The following UTRN variants were observed in gnomAD, a reference collection of about 807,000 sequenced individuals.
UTRN encodes utrophin.
Under a neutral mutation model 463.9 loss-of-function variants are expected in UTRN, and 283 were observed. The ratio of observed to expected loss-of-function variants is 0.61; its 90% CI spans 0.55 to 0.67. UTRN has a LOEUF of 0.67. UTRN is among the 30% of genes least tolerant of loss of function. The pLI is 0.00. For missense variants in UTRN, 3,922 were observed against 4,084.3 expected (o/e 0.96, Z 1.08); for synonymous variants, 1,442 against 1,431.5 (o/e 1.01, Z -0.17).
rs564472003 is a variant in UTRN, at chr6:144,499,454, A to G, written c.4764+27A>G. On this transcript the variant is annotated intron_variant, in intron 34 of 74. Coordinates refer to ENST00000367545, the MANE Select transcript of UTRN (RefSeq NM_007124.3). Reference sequence around the variant, plus strand: ...TAAGTTGCAGTTCAGATGAAACACCAGCATGATGCCAGCGTAACATGGCAT... The same window carrying G: ...TAAGTTGCAGTTCAGATGAAACACCGGCATGATGCCAGCGTAACATGGCAT... 1.6e-5 allele frequency: 25 copies of G among 1,573,004 alleles called. No homozygotes were observed. The East Asian group carries it at 5.5e-4, about 34-fold the overall frequency.
chr6:144,435,130 T>G (rs1007620202), intron 9 of UTRN, among the ~76,000 whole-genome samples: 1 of 152,224 alleles, frequency 6.6e-6, no homozygotes, highest in African/African-American at 2.4e-5. Context: ...TTGAGCATTT[T>G]TTGTATTGTT....
chr6:144,511,243 C>A, intron 35 of UTRN, 120 bp downstream of exon 35: 1 of 992,164 alleles, frequency 1.0e-6, no homozygotes, highest in Non-Finnish European at 1.3e-6. Context: ...TGATGTTTTG[C>A]TTGTGAATTA....
intron 1 of UTRN, among the ~76,000 whole-genome samples, chr6:144,289,286 A>G (rs1804000896): frequency 6.6e-6 from 1 of 152,180 alleles, no homozygotes; most frequent in Admixed American, 6.5e-5. Flanking sequence ...TGCACATTGG[A>G]TATGAATCTC....
intron 2 of UTRN, chr6:144,330,961 C>T (rs2114605673): frequency 2.0e-6 from 2 of 985,224 alleles, no homozygotes; most frequent in Non-Finnish European, 2.4e-6. Flanking sequence ...GCTGAGCCGA[C>T]GAGAAATGGA....
intron 53 of UTRN, among the ~76,000 whole-genome samples, chr6:144,715,892 A>G (rs932096889): frequency 6.6e-6 from 1 of 151,466 alleles, no homozygotes; most frequent in African/African-American, 2.4e-5. Flanking sequence ...TTTATTTCTC[A>G]GTAATTCTTT....
intron 35 of UTRN, among the ~76,000 whole-genome samples, chr6:144,512,738 A>AGGCTGGTTGT (rs1795287167): frequency 6.6e-6 from 1 of 151,948 alleles, no homozygotes; most frequent in Non-Finnish European, 1.5e-5. Flanking sequence ...AGGGGGTTTC[A>AGGCTGGTTGT]CCATGTTGTC....
intron 51 of UTRN, among the ~76,000 whole-genome samples, chr6:144,585,810 A>C (rs987128993): frequency 3.9e-5 from 6 of 152,120 alleles, no homozygotes; most frequent in African/African-American, 1.4e-4. Context: ...TATTCCTCCC[A>C]CATTCTCTAA....
chr6:144,623,597 T>G (rs988432971), intron 51 of UTRN, among the ~76,000 whole-genome samples: 2 of 152,240 alleles, frequency 1.3e-5, no homozygotes, highest in Admixed American at 6.5e-5. Context: ...CTCTTTCAGA[T>G]AGATTACTAA....
intron 55 of UTRN, among the ~76,000 whole-genome samples, chr6:144,750,007 C>A (rs1791202706): frequency 6.6e-6 from 1 of 152,040 alleles, no homozygotes; most frequent in Non-Finnish European, 1.5e-5. Context: ...GTTCTTGAGT[C>A]CTCCAAGGTA....
chr6:144,698,925 A>G (rs1389471599), intron 52 of UTRN, among the ~76,000 whole-genome samples: 3 of 152,240 alleles, frequency 2.0e-5, no homozygotes, highest in Non-Finnish European at 2.9e-5. Flanking sequence ...ATGAGAGTAT[A>G]AAGTACTGCA....
chr6:144,848,294 G>T (rs1226032895), intron 74 of UTRN, among the ~76,000 whole-genome samples: 1 of 152,210 alleles, frequency 6.6e-6, no homozygotes, highest in Non-Finnish European at 1.5e-5. Context: ...AGGCCATTCT[G>T]CAGGGTTGTA....
rs184337677 is a variant in UTRN, at chr6:144,545,909, A to G, written c.6596-2731A>G. Among the ~76,000 whole-genome samples the G allele has an allele frequency of 1.6e-3, 246 of 152,288 alleles. 7 individuals carry two copies. The East Asian group carries it at 0.043, about 27-fold the overall frequency. On this transcript the variant is annotated intron_variant, in intron 46 of 74. Transcript: ENST00000367545. ...GTGGCGGGCGCCTGTAATCCCAGCT[A>G]CTTGGGAAGCTGAGGCAGGAGAATC...
At chr6:144,739,361 T>C (rs1789796458) in intron 54 of UTRN, among the ~76,000 whole-genome samples, 1 of 152,228 alleles carries the variant, frequency 6.6e-6, no homozygotes, top group African/African-American at 2.4e-5. Context: ...TTGAAATTAT[T>C]ATATAGTTTA....
At chr6:144,417,774 C>T (rs937860600) in intron 3 of UTRN, among the ~76,000 whole-genome samples, 1 of 152,140 alleles carries the variant, frequency 6.6e-6, no homozygotes, top group Non-Finnish European at 1.5e-5. Flanking sequence ...TCTATGGCTG[C>T]TTTCACTTTA....
intron 44 of UTRN, among the ~76,000 whole-genome samples, chr6:144,538,371 T>C (rs532139168): frequency 6.6e-6 from 1 of 151,156 alleles, no homozygotes; most frequent in Non-Finnish European, 1.5e-5. Flanking sequence ...CATTTTTTTT[T>C]AAAAAAAGAA....
rs372918729 is a variant in UTRN, at chr6:144,448,697, C to A, written c.2000C>A (p.Ser667Tyr). Reference protein sequence around the residue: ...RVREQAITKKSKQELPPPPPP... With the variant: ...RVREQAITKKYKQELPPPPPP... ...AGAGAACAAGCAATTACAAAAAAAT[C>A]TAAGCAGGAACTGCCTCCTCCTCCT... is the stretch of plus-strand genomic sequence containing the variant. Residue 667 changes from serine to tyrosine, a missense_variant, in exon 17 of 75, where the codon TCT becomes TAT. Ser to Tyr is a moderately radical substitution (Grantham distance 144). Coordinates refer to ENST00000367545, the MANE Select transcript of UTRN (RefSeq NM_007124.3). The A allele has an allele frequency of 2.5e-6, 4 of 1,614,000 alleles. No homozygotes were observed. The African/African-American group carries it at 5.3e-5, about 22-fold the overall frequency.
intron 51 of UTRN, among the ~76,000 whole-genome samples, chr6:144,661,874 A>C (rs899566386): frequency 7.9e-5 from 12 of 152,136 alleles, no homozygotes; most frequent in Admixed American, 3.3e-4. Context: ...TTATATTAGC[A>C]TGTTTCCCCT....
chr6:144,579,867 A>G (rs890758620), intron 51 of UTRN, among the ~76,000 whole-genome samples: 3 of 152,184 alleles, frequency 2.0e-5, no homozygotes, highest in Non-Finnish European at 2.9e-5. Flanking sequence ...TTATGTTTAG[A>G]ATGTTTCACA....
chr6:144,708,300 A>C, intron 53 of UTRN: 1 of 666,004 alleles, frequency 1.5e-6, no homozygotes, highest in Non-Finnish European at 2.9e-6. Context: ...ATTCTTTTAC[A>C]AGACCATGTA....
Sources: allele counts gnomAD v4.1 joint callset (sites outside exome capture counted in the v4.1 genomes callset), GRCh38; gene constraint gnomAD v4.1.1; transcripts MANE v1.5; gene names NCBI Gene and HGNC (gene_info 2026-07-23, HGNC 2026-07-21).